COMMD2: variants seen among roughly 807,000 people sequenced by gnomAD.
COMMD2 encodes COMM domain-containing protein 2.
Under a neutral mutation model 22.5 loss-of-function variants are expected in COMMD2, and 25 were observed. The observed-to-expected ratio is 1.11, with a 90% CI of 0.81 to 1.55. The LOEUF (loss-of-function observed/expected upper bound fraction) is 1.55. Among genes scored for constraint, COMMD2 ranks in the 40% most tolerant of loss-of-function variants. COMMD2 has a pLI of 0.00. For missense variants in COMMD2, 223 were observed against 232.9 expected, an observed-to-expected ratio of 0.96 and a Z score of 0.28; for synonymous variants, 98 against 91.2, an observed-to-expected ratio of 1.07 and a Z score of -0.42.
rs1445419607 is a variant in COMMD2 at position 149,741,200 on chromosome 3, A to T, written c.*321T>A. ...TGCCTCAGCCTCCTGAGTAGCTGGG[A>T]CTCTGATAGATGCGTGCCACCACAC... On this transcript the variant is annotated 3_prime_UTR_variant, in exon 5 of 5. Transcript: ENST00000473414. 1.7e-5 allele frequency: 4 copies of T among 232,006 alleles called. No homozygotes were observed. The East Asian group carries it at 4.0e-4, about 23-fold the overall frequency. The allele number at this position is 232,006 out of a possible 1,614,324, so 14.4% of individuals were successfully genotyped here.
At chr3:149,750,366 T>C in intron 4 of COMMD2, 1 of 466,550 alleles carries the variant, frequency 2.1e-6, no homozygotes, top group South Asian at 1.6e-5. Context: ...TACATTGACC[T>C]GTGCACTTTT....
rs1716145527 is a variant in COMMD2, at chr3:149,739,303, T to C, written c.*2218A>G. 6.6e-6 allele frequency: 1 copy of C among 152,082 alleles called. No homozygotes were observed. The highest frequency in any genetic ancestry group is 1.5e-5 in the Non-Finnish European group (1 of 68,006). 9.4% of individuals were successfully genotyped at this position (152,082 alleles called of 1,614,324 possible). ...AACAATGCAGGGGAATCCACAAGGA[T>C]GTGGAATGTTTGAGCAAAAAAAAGG... On this transcript the variant is annotated 3_prime_UTR_variant, in exon 5 of 5. Transcript: ENST00000473414.
intron 4 of COMMD2, among the ~76,000 whole-genome samples, chr3:149,745,419 G>A (rs1716342614): frequency 6.6e-6 from 1 of 152,154 alleles, no homozygotes; most frequent in African/African-American, 2.4e-5. Context: ...TAATGAACAA[G>A]ACACAATACT....
intron 4 of COMMD2, chr3:149,750,451 C>T: frequency 1.9e-6 from 1 of 535,570 alleles, no homozygotes; most frequent in African/African-American, 1.9e-5. Flanking sequence ...ATAACCATCT[C>T]CTTTTCGAAA....
rs1474252850 is a variant in COMMD2 at position 149,750,734 on chromosome 3, C to T, written c.346G>A (p.Glu116Lys). The change falls in exon 4 of 5, where the codon GAA becomes AAA. Residue 116 changes from glutamate to lysine, a missense_variant. Transcript: ENST00000473414. ...NRKEIRTILSELAPSLPSYHN... is the reference protein window; with the variant it reads ...NRKEIRTILSKLAPSLPSYHN... ...TAACTGGGAAGGCTTGGTGCCAATT[C>T]ACTCAGAATCGTTCTGATCTCTTTT... 6.2e-7 allele frequency: 1 copy of T among 1,603,840 alleles called. No homozygotes were observed.
At chr3:149,751,522 T>A in intron 2 of COMMD2, 37 bp from the exon 3 acceptor site, 7 of 1,476,244 alleles carry the variant, frequency 4.7e-6, no homozygotes, top group Non-Finnish European at 6.5e-6. Context: ...AATAAATTAC[T>A]ACTGTAGTAT....
In COMMD2 at chr3:149,740,861, T is replaced by C. The variant is rs1716191771; in HGVS notation, c.*660A>G. The C allele has an allele frequency of 6.6e-6, 1 of 152,540 alleles. No individual in the cohort carries two copies. The highest frequency in any genetic ancestry group is 2.4e-5 in the African/African-American group (1 of 41,424). 9.4% of individuals were successfully genotyped at this position (152,540 alleles called of 1,614,324 possible). The stretch of plus-strand genomic sequence containing the variant: ...GATAGTCATTCATATATACAGAACA[T>C]ATAGATTCATTTCTAGTTGATTCAA... On this transcript the variant is annotated 3_prime_UTR_variant, in exon 5 of 5. Coordinates refer to ENST00000473414, the MANE Select transcript of COMMD2 (RefSeq NM_016094.4).
intron 4 of COMMD2, among the ~76,000 whole-genome samples, chr3:149,746,642 G>A (rs1340058687): frequency 6.6e-6 from 1 of 151,718 alleles, no homozygotes; most frequent in Non-Finnish European, 1.5e-5. Context: ...AATTAGCCAG[G>A]TGTGCTGGCA....
chr3:149,741,582 T>G lies in COMMD2; in HGVS notation c.539A>C (p.Glu180Ala). The change falls in exon 5 of 5, where the codon GAA becomes GCA. Residue 180 changes from glutamate to alanine, a missense_variant. By Grantham distance (107) the Glu-to-Ala change is moderately radical. Coordinates refer to ENST00000473414, the MANE Select transcript of COMMD2 (RefSeq NM_016094.4). Reference sequence around the variant, plus strand: ...TGTCTTCATCTCTTCCAATGCTTGTTCCAGTTGTTGAACCAAATGGAGCAG... The same window carrying G: ...TGTCTTCATCTCTTCCAATGCTTGTGCCAGTTGTTGAACCAAATGGAGCAG... ...ATLLHLVQQLEQALEEMKTNH... is the reference protein window; with the variant it reads ...ATLLHLVQQLAQALEEMKTNH... 1 of 1,614,130 alleles carries G rather than the reference T, an allele frequency of 6.2e-7. No individual in the cohort carries two copies. The highest frequency in any genetic ancestry group is 1.7e-4 in the Middle Eastern group (1 of 6,060).
At chr3:149,749,613 A>AT (rs1331166879) in intron 4 of COMMD2, among the ~76,000 whole-genome samples, 1 of 152,234 alleles carries the variant, frequency 6.6e-6, no homozygotes, top group Non-Finnish European at 1.5e-5. Flanking sequence ...CAAGTGCACT[A>AT]TAATACATAT....
At chr3:149,742,008 T>C (rs1398028566) in intron 4 of COMMD2, among the ~76,000 whole-genome samples, 2 of 151,986 alleles carry the variant, frequency 1.3e-5, no homozygotes, top group East Asian at 1.9e-4. Context: ...TACCTAAAGA[T>C]GGTGAAAAAA....
chr3:149,751,831 CT>C (rs11354448), intron 2 of COMMD2: 80,953 of 196,514 alleles, frequency 0.41, 13,076 homozygotes, highest in Middle Eastern at 0.47. Context: ...TAAAACAACA[CT>C]TTTTTTTTTT....
Position 149,741,575 on chromosome 3 carries a change from T to C in COMMD2, c.546A>G (p.Ala182=). 1.2e-6 allele frequency: 2 copies of C among 1,614,166 alleles called. No homozygotes were observed. Among genetic ancestry groups the C allele is most frequent in the Non-Finnish European group, 8.5e-7 (1 of 1,180,024 alleles). Residue 182 remains alanine (A), a synonymous_variant, in exon 5 of 5, where the codon GCA becomes GCG. Coordinates refer to ENST00000473414, the MANE Select transcript of COMMD2 (RefSeq NM_016094.4). The stretch of plus-strand genomic sequence containing the variant: ...AGTGATTTGTCTTCATCTCTTCCAA[T>C]GCTTGTTCCAGTTGTTGAACCAAAT... ...LLHLVQQLEQ[A]LEEMKTNHCR...
intron 4 of COMMD2, among the ~76,000 whole-genome samples, chr3:149,749,810 T>G (rs149839996): frequency 0.015 from 2,346 of 152,306 alleles, 38 homozygotes; most frequent in East Asian, 0.076. Context: ...TGTTGTTGTT[T>G]TTGTTTTAAA....
rs963419043 is a variant in COMMD2, at chr3:149,741,632, T to A, written c.489A>T (p.Lys163Asn). Residue 163 changes from lysine (K) to asparagine (N), a missense_variant, in exon 5 of 5, where the codon AAA becomes AAT. Lys to Asn is a moderately conservative substitution (Grantham distance 94). Transcript: ENST00000473414. ...GGGTGGCTGGGTCTGTCTGCAGAACTTTGGTGTTGTGATCTCCATTTTGAT... is the reference window on the plus strand; with the variant it reads ...GGGTGGCTGGGTCTGTCTGCAGAACATTGGTGTTGTGATCTCCATTTTGAT... ...HLNQNGDHNTKVLQTDPATLL... is the reference protein window; with the variant it reads ...HLNQNGDHNTNVLQTDPATLL... The A allele has an allele frequency of 5.0e-6, 8 of 1,613,954 alleles. No individual in the cohort carries two copies. Among genetic ancestry groups the A allele is most frequent in the Non-Finnish European group, 6.8e-6 (8 of 1,180,002 alleles).
intron 4 of COMMD2, among the ~76,000 whole-genome samples, chr3:149,744,197 A>C (rs1391549409): frequency 1.3e-5 from 2 of 152,202 alleles, no homozygotes; most frequent in Admixed American, 1.3e-4. Context: ...AATGCAAATT[A>C]GAAAAAAGAA....
intron 4 of COMMD2, among the ~76,000 whole-genome samples, chr3:149,749,607 T>G (rs761557217): frequency 6.6e-6 from 1 of 152,222 alleles, no homozygotes; most frequent in Non-Finnish European, 1.5e-5. Context: ...TGAGAACAAG[T>G]GCACTATAAT....
In COMMD2 at chr3:149,750,782, G is replaced by A; in HGVS notation, c.298C>T (p.Leu100Phe). The change falls in exon 4 of 5, where the codon CTT becomes TTT. Residue 100 changes from leucine to phenylalanine, a missense_variant. By Grantham distance (22) the Leu-to-Phe change is conservative. Coordinates refer to ENST00000473414, the MANE Select transcript of COMMD2 (RefSeq NM_016094.4). The stretch of plus-strand genomic sequence containing the variant: ...TTTCTGTTGTCCAGATAAAGCTGAA[G>A]CAACAATTTGTTTAATTCTTCAGAG... ...GFSEELNKLL[L>F]QLYLDNRKEI... 1 of 1,606,112 alleles carries A rather than the reference G, an allele frequency of 6.2e-7. No homozygotes were observed. The highest frequency in any genetic ancestry group is 8.5e-7 in the Non-Finnish European group (1 of 1,175,006).
chr3:149,749,378 C>T (rs1483950806), intron 4 of COMMD2, among the ~76,000 whole-genome samples: 1 of 152,178 alleles, frequency 6.6e-6, no homozygotes, highest in Non-Finnish European at 1.5e-5. Context: ...ATTTCTATAA[C>T]CTATCTGGAC....
Sources: gnomAD v4.1 joint callset for allele counts (sites outside exome capture counted in the v4.1 genomes callset) on GRCh38, gnomAD v4.1.1 for gene constraint, MANE v1.5 for transcripts, NCBI Gene and HGNC (gene_info 2026-07-23, HGNC 2026-07-21) for gene names.